NKAIN3: variants seen among roughly 807,000 people sequenced by gnomAD.
NKAIN3 encodes the protein sodium/potassium-transporting ATPase subunit beta-1-interacting protein 3.
Under a neutral mutation model 30.2 loss-of-function variants are expected in NKAIN3, and 25 were observed. The ratio of observed to expected loss-of-function variants is 0.83; its 90% CI spans 0.60 to 1.16. NKAIN3 has a LOEUF of 1.16. Among genes scored for constraint, NKAIN3 ranks in the 50% most tolerant of loss-of-function variants. NKAIN3 has a pLI of 0.00. For missense variants in NKAIN3, 225 were observed against 254.1 expected (o/e 0.89, Z 0.78); for synonymous variants, 91 against 89.6 (o/e 1.02, Z -0.09).
chr8:62,273,075 G>T (rs1812825976), intron 1 of NKAIN3, among the ~76,000 whole-genome samples: 1 of 152,136 alleles, frequency 6.6e-6, no homozygotes, highest in South Asian at 2.1e-4. Context: ...GGGTGGTTGT[G>T]TTTCAATTAA....
chr8:62,939,226 G>A (rs1822877907), intron 5 of NKAIN3, among the ~76,000 whole-genome samples: 1 of 152,124 alleles, frequency 6.6e-6, no homozygotes, highest in Non-Finnish European at 1.5e-5. Flanking sequence ...AGAAAAAAAT[G>A]AGTAAAGCCT....
At chr8:62,744,207 A>G (rs1815997107) in intron 3 of NKAIN3, among the ~76,000 whole-genome samples, 1 of 152,162 alleles carries the variant, frequency 6.6e-6, no homozygotes, top group South Asian at 2.1e-4. Flanking sequence ...CCAAATCACT[A>G]TATTTGGGGG....
chr8:62,857,162 A>G (rs1820086952), intron 4 of NKAIN3: 1 of 337,934 alleles, frequency 3.0e-6, no homozygotes, highest in South Asian at 2.6e-5. Flanking sequence ...TGTTGAATAT[A>G]GGGCCCCAAT....
intron 1 of NKAIN3, among the ~76,000 whole-genome samples, chr8:62,466,853 G>A (rs147628781): frequency 1.7e-3 from 256 of 151,960 alleles, no homozygotes; most frequent in Non-Finnish European, 1.9e-4. Flanking sequence ...ATCACATGTG[G>A]ATGAGAGTTA....
At chr8:62,629,243 C>T (rs188249391) in intron 3 of NKAIN3, among the ~76,000 whole-genome samples, 1 of 152,078 alleles carries the variant, frequency 6.6e-6, no homozygotes, top group African/African-American at 2.4e-5. Context: ...TGTATTTCAT[C>T]CTCACCTCTA....
At chr8:62,500,289 G>T (rs1259217198) in intron 1 of NKAIN3, among the ~76,000 whole-genome samples, 3 of 152,018 alleles carry the variant, frequency 2.0e-5, no homozygotes, top group Non-Finnish European at 4.4e-5. Flanking sequence ...CTTTCTTCAA[G>T]ATTTCTTTTG....
At position 62,481,429 on chromosome 8, in the gene NKAIN3, G is replaced by A. The variant is rs1405794177; in HGVS notation, c.55-98110G>A. Among the ~76,000 whole-genome samples the A allele has an allele frequency of 2.6e-5, 4 of 151,962 alleles. No individual in the cohort carries two copies. The East Asian group carries it at 7.7e-4, about 29-fold the overall frequency. ...CTCATATGGACATAGATGTTCCTGT[G>A]CATAACTCTATCATTGGACTTACCA... On this transcript the variant is annotated intron_variant, in intron 1 of 6. Transcript: ENST00000623646.
intron 1 of NKAIN3, among the ~76,000 whole-genome samples, chr8:62,456,526 A>T (rs951494804): frequency 5.3e-5 from 8 of 152,148 alleles, no homozygotes; most frequent in Admixed American, 2.0e-4. Context: ...CTTAAAAAAA[A>T]AAAAAAATAA....
At chr8:62,423,435 A>G (rs971949071) in intron 1 of NKAIN3, among the ~76,000 whole-genome samples, 1 of 149,300 alleles carries the variant, frequency 6.7e-6, no homozygotes, top group East Asian at 1.9e-4. Context: ...TTATATATAT[A>G]TATATTATTT....
chr8:62,528,350 T>TAATATAATATAATATATA (rs1554543420), intron 1 of NKAIN3, among the ~76,000 whole-genome samples: 8 of 137,394 alleles, frequency 5.8e-5, no homozygotes, highest in Non-Finnish European at 4.6e-5. Context: ...AATATATATA[T>TAATATAATATAATATATA]ATATGACTTT....
chr8:62,649,863 A>C (rs544061373), intron 3 of NKAIN3, among the ~76,000 whole-genome samples: 1 of 152,150 alleles, frequency 6.6e-6, no homozygotes, highest in African/African-American at 2.4e-5. Context: ...GTGCTTCCAG[A>C]GTCCAAACAG....
chr8:62,468,864 A>G lies in NKAIN3; in HGVS notation c.55-110675A>G, dbSNP rs140657573. On this transcript the variant is annotated intron_variant, in intron 1 of 6. Coordinates refer to ENST00000623646, the MANE Select transcript of NKAIN3 (RefSeq NM_001304533.3). ...CCCGTCTTAATTCCGATCTCTTTGC[A>G]AGTTTCTCAAAATTGGATCAACTAA... 7.5e-3 allele frequency among the ~76,000 whole-genome samples: 1,135 copies of G among 152,256 alleles called. 15 individuals carry two copies. The highest frequency in any genetic ancestry group is 0.027 in the African/African-American group (1,105 of 41,542).
intron 5 of NKAIN3, among the ~76,000 whole-genome samples, chr8:62,943,742 A>T (rs1056806492): frequency 5.4e-5 from 8 of 147,952 alleles, no homozygotes; most frequent in Non-Finnish European, 1.0e-4. Context: ...ATATTTATAT[A>T]TTTATATTTA....
rs1824013968 is a variant in NKAIN3, at chr8:62,978,966, G to A, written c.*13559G>A. Reference sequence around the variant, plus strand: ...CTCATGGCTTCCCTTGGCTAGGGGAGGGAGTTCCCCAACCCCTTGCACTTC... The same window carrying A: ...CTCATGGCTTCCCTTGGCTAGGGGAAGGAGTTCCCCAACCCCTTGCACTTC... On this transcript the variant is annotated 3_prime_UTR_variant, in exon 7 of 7. Coordinates refer to ENST00000623646, the MANE Select transcript of NKAIN3 (RefSeq NM_001304533.3). 6.5e-6 allele frequency: 1 copy of A among 152,868 alleles called. No homozygotes were observed. Among genetic ancestry groups the A allele is most frequent in the Non-Finnish European group, 1.5e-5 (1 of 68,270 alleles). The allele number at this position is 152,868 out of a possible 1,614,324, so 9.5% of individuals were successfully genotyped here.
intron 1 of NKAIN3, among the ~76,000 whole-genome samples, chr8:62,395,743 T>C (rs1387144623): frequency 6.6e-6 from 1 of 152,204 alleles, no homozygotes; most frequent in Non-Finnish European, 1.5e-5. Flanking sequence ...TTGATAGATA[T>C]CTTAAGCTTC....
chr8:62,300,209 C>G (rs977238673), intron 1 of NKAIN3, among the ~76,000 whole-genome samples: 1 of 151,746 alleles, frequency 6.6e-6, no homozygotes, highest in Admixed American at 6.6e-5. Flanking sequence ...GAGGTGGCCA[C>G]GGGATAACAA....
intron 1 of NKAIN3, among the ~76,000 whole-genome samples, chr8:62,314,357 A>G (rs1032949712): frequency 1.3e-5 from 2 of 152,178 alleles, no homozygotes; most frequent in Non-Finnish European, 2.9e-5. Flanking sequence ...TGTAACCTGG[A>G]GTGCCATTGT....
At chr8:62,663,701 A>G (rs1297367745) in intron 3 of NKAIN3, among the ~76,000 whole-genome samples, 2 of 152,224 alleles carry the variant, frequency 1.3e-5, no homozygotes, top group African/African-American at 2.4e-5. Flanking sequence ...TCTATATAAC[A>G]TCATCTCCCT....
chr8:62,817,255 T>A (rs891951623), intron 4 of NKAIN3, among the ~76,000 whole-genome samples: 1 of 152,162 alleles, frequency 6.6e-6, no homozygotes, highest in Non-Finnish European at 1.5e-5. Flanking sequence ...TGTGCACAGT[T>A]TAAAGTTCTT....
Sources: gnomAD v4.1 joint callset for allele counts (sites outside exome capture counted in the v4.1 genomes callset) on GRCh38, gnomAD v4.1.1 for gene constraint, MANE v1.5 for transcripts, NCBI Gene and HGNC (gene_info 2026-07-23, HGNC 2026-07-21) for gene names.